The following CCDC80 variants were observed in gnomAD, a reference collection of about 807,000 sequenced individuals.
CCDC80 encodes the protein coiled-coil domain-containing protein 80.
Under a neutral mutation model 78.7 loss-of-function variants are expected in CCDC80, and 49 were observed. The ratio of observed to expected loss-of-function variants is 0.62; its 90% CI spans 0.50 to 0.79. CCDC80 has a LOEUF of 0.79. Among genes scored for constraint, CCDC80 ranks in the 30% least tolerant of loss-of-function variants. The pLI, the probability that CCDC80 is intolerant of heterozygous loss-of-function variation, is 0.00. For missense variants in CCDC80, 1,205 were observed against 1,198.6 expected (o/e 1.01, Z -0.08); for synonymous variants, 488 against 447.0 (o/e 1.09, Z -1.16).
At position 112,604,988 on chromosome 3, in the gene CCDC80, A is replaced by AGTTATTT. The variant is rs1253750473; in HGVS notation, c.*422_*428dup. ...AGTGTCAATTTAAGTAAGTATTATA[A>AGTTATTT]GTTATTTGTTCTTTGTTTTATCTTT... is the stretch of plus-strand genomic sequence containing the variant. On this transcript the variant is annotated 3_prime_UTR_variant, in exon 8 of 8. Coordinates refer to ENST00000206423, the MANE Select transcript of CCDC80 (RefSeq NM_199511.3). 6.5e-6 allele frequency: 1 copy of AGTTATTT among 153,292 alleles called. No homozygotes were observed. Among genetic ancestry groups the AGTTATTT allele is most frequent in the Non-Finnish European group, 1.5e-5 (1 of 68,806 alleles). 9.5% of individuals were successfully genotyped at this position (153,292 alleles called of 1,614,324 possible). A position where few individuals can be genotyped will look rare whatever the true frequency, so the allele number is the denominator to read the frequency against.
intron 3 of CCDC80, among the ~76,000 whole-genome samples, chr3:112,621,481 C>T (rs1276635664): frequency 6.6e-6 from 1 of 152,212 alleles, no homozygotes; most frequent in South Asian, 2.1e-4. Context: ...CCTAACCAAG[C>T]CCAGCCCAGA....
intron 3 of CCDC80, among the ~76,000 whole-genome samples, chr3:112,624,726 A>T (rs1464167874): frequency 6.6e-6 from 1 of 152,024 alleles, no homozygotes; most frequent in East Asian, 1.9e-4. Flanking sequence ...CTACAGATTG[A>T]CTCCATCAAA....
intron 6 of CCDC80, 62 bp from the exon 7 acceptor site, chr3:112,607,318 A>G: frequency 8.4e-7 from 1 of 1,189,582 alleles, no homozygotes; most frequent in Non-Finnish European, 1.2e-6. Flanking sequence ...TTTTACTTCA[A>G]AGCCCTGATA....
intron 7 of CCDC80, 90 bp downstream of exon 7, chr3:112,607,086 T>G: frequency 1.1e-6 from 1 of 941,832 alleles, no homozygotes; most frequent in Non-Finnish European, 1.6e-6. Flanking sequence ...TTGTTCACCT[T>G]AGAGATACAC....
At position 112,601,662 on chromosome 3, in the gene CCDC80, G is replaced by A. The variant is rs1360755679; in HGVS notation, c.*3755C>T. 7.3e-6 allele frequency: 1 copy of A among 137,146 alleles called. No individual in the cohort carries two copies. The highest frequency in any genetic ancestry group is 1.5e-5 in the Non-Finnish European group (1 of 67,332). 8.5% of individuals were successfully genotyped at this position (137,146 alleles called of 1,614,324 possible). ...CTACTGCACTGCAGCCTGGGTGACA[G>A]AGTGAGACCCTCTCCAAAAAAAGAA... On this transcript the variant is annotated 3_prime_UTR_variant, in exon 8 of 8. Transcript: ENST00000206423.
chr3:112,620,167 T>C (rs1317246224), intron 3 of CCDC80, among the ~76,000 whole-genome samples: 1 of 152,232 alleles, frequency 6.6e-6, no homozygotes, highest in East Asian at 1.9e-4. Flanking sequence ...CAGACATTAC[T>C]CTTCATTAAT....
chr3:112,612,202 AAC>A (rs1387097751), intron 5 of CCDC80, among the ~76,000 whole-genome samples: 2 of 152,102 alleles, frequency 1.3e-5, no homozygotes, highest in Non-Finnish European at 2.9e-5. Flanking sequence ...TCACAAACAC[AAC>A]AGTCTCAGGT....
chr3:112,607,116 T>G, intron 7 of CCDC80, 60 bp downstream of exon 7: 6 of 1,264,182 alleles, frequency 4.7e-6, no homozygotes, highest in Admixed American at 1.9e-5. Context: ...GCATATAACT[T>G]AATGTAATTT....
intron 3 of CCDC80, among the ~76,000 whole-genome samples, chr3:112,628,470 T>C (rs917879844): frequency 2.0e-5 from 3 of 152,318 alleles, no homozygotes; most frequent in East Asian, 1.9e-4. Context: ...CAAATGGTGA[T>C]GCAGAGGATG....
Position 112,639,018 on chromosome 3 carries a change from G to A in CCDC80, c.888C>T (p.Asp296=), listed in dbSNP as rs754534040. The part of the protein sequence containing the change: ...VEGQVVAEGN[D]GGGGAGRPSL... Reference sequence around the variant, plus strand: ...TTGGCCTTCCTGCTCCCCCTCCACCGTCATTCCCCTCCGCCACCACCTGGC... The same window carrying A: ...TTGGCCTTCCTGCTCCCCCTCCACCATCATTCCCCTCCGCCACCACCTGGC... Residue 296 remains aspartate, a synonymous_variant, in exon 2 of 8, where the codon GAC becomes GAT. Coordinates refer to ENST00000206423, the MANE Select transcript of CCDC80 (RefSeq NM_199511.3). 3.7e-5 allele frequency: 60 copies of A among 1,609,320 alleles called. No homozygotes were observed. Among genetic ancestry groups the A allele is most frequent in the Non-Finnish European group, 4.7e-5 (56 of 1,179,360 alleles).
At chr3:112,608,205 A>G (rs1290448330) in intron 6 of CCDC80, among the ~76,000 whole-genome samples, 1 of 152,262 alleles carries the variant, frequency 6.6e-6, no homozygotes, top group African/African-American at 2.4e-5. Context: ...ATAGTTTTAA[A>G]TAAAGTCCCA....
At chr3:112,606,792 TGAAAG>T (rs10539553) in intron 7 of CCDC80, among the ~76,000 whole-genome samples, 110,894 of 151,460 alleles carry the variant, frequency 0.73, 45,371 homozygotes, top group Non-Finnish European at 0.92. Context: ...CCTTATCTGT[TGAAAG>T]GGAATCAATG....
intron 2 of CCDC80, among the ~76,000 whole-genome samples, chr3:112,631,469 C>T (rs1936097843): frequency 6.6e-6 from 1 of 152,158 alleles, no homozygotes; most frequent in Non-Finnish European, 1.5e-5. Flanking sequence ...AGAAGCAAAC[C>T]TCTATAAATC....
rs1313444288 is a variant in CCDC80, at chr3:112,639,114, G to T, written c.792C>A (p.Gly264=). ...LEAMYEVIDQ[G]PIRRIEKIRQ... ...TGATCTTCTCGATCCTACGGATGGG[G>T]CCTTGGTCGATGACCTCGTACATGG... The change falls in exon 2 of 8, where the codon GGC becomes GGA. Residue 264 remains glycine, a synonymous_variant. Coordinates refer to ENST00000206423, the MANE Select transcript of CCDC80 (RefSeq NM_199511.3). 1.2e-6 allele frequency: 2 copies of T among 1,614,088 alleles called. No homozygotes were observed.
intron 4 of CCDC80, among the ~76,000 whole-genome samples, chr3:112,618,343 AC>A (rs1354536432): frequency 6.6e-6 from 1 of 152,006 alleles, no homozygotes; most frequent in African/African-American, 2.4e-5. Context: ...ACACAGTGAA[AC>A]CCCATCTCTA....
At position 112,639,359 on chromosome 3, in the gene CCDC80, G is replaced by A; in HGVS notation, c.547C>T (p.His183Tyr). 3.7e-6 allele frequency: 6 copies of A among 1,614,078 alleles called. No individual in the cohort carries two copies. Among genetic ancestry groups the A allele is most frequent in the Non-Finnish European group, 5.1e-6 (6 of 1,180,016 alleles). Reference sequence around the variant, plus strand: ...TGGAAGAGCACAATCTGTTGGATGTGCCTCTCCGCCAGCTCACAGTACACA... The same window carrying A: ...TGGAAGAGCACAATCTGTTGGATGTACCTCTCCGCCAGCTCACAGTACACA... Reference protein sequence around the residue: ...DDVYCELAERHIQQIVLFHQA... With the variant: ...DDVYCELAERYIQQIVLFHQA... The change falls in exon 2 of 8, where the codon CAC becomes TAC. Residue 183 changes from histidine (H) to tyrosine (Y), a missense_variant. His to Tyr is a moderately conservative substitution (Grantham distance 83). Coordinates refer to ENST00000206423, the MANE Select transcript of CCDC80 (RefSeq NM_199511.3).
Position 112,607,256 on chromosome 3 carries a change from C to A in CCDC80, c.2426G>T (p.Gly809Val). ...CTTCAGAATGGTTATGTGGCGCAGA[C>A]CTGAGAGAAAAAAGAAAACCATAGG... is the stretch of plus-strand genomic sequence containing the variant. ...SALSGQACNF[G>V]LRHITILKLL... is the part of the protein sequence containing the mutation. Residue 809 changes from glycine (G) to valine (V), a missense_variant and splice_region_variant, in exon 7 of 8, where the codon GGT (glycine) becomes GTT (valine). Physicochemically the swap from Gly to Val is moderately radical, Grantham distance 109. Coordinates refer to ENST00000206423, the MANE Select transcript of CCDC80 (RefSeq NM_199511.3). The A allele has an allele frequency of 6.2e-7, 1 of 1,610,904 alleles. No individual in the cohort carries two copies. Among genetic ancestry groups the A allele is most frequent in the Non-Finnish European group, 8.5e-7 (1 of 1,178,984 alleles).
intron 6 of CCDC80, among the ~76,000 whole-genome samples, chr3:112,609,421 A>T (rs1365954429): frequency 6.6e-6 from 1 of 152,186 alleles, no homozygotes; most frequent in Non-Finnish European, 1.5e-5. Context: ...TATTTAAGAG[A>T]TCTTGCTACT....
rs921634114 is a variant in CCDC80 at position 112,598,312 on chromosome 3, T to C, written c.*7105A>G. On this transcript the variant is annotated 3_prime_UTR_variant, in exon 8 of 8. Transcript: ENST00000206423. ...CCCAAGGTGTTCCCTACCTCTCTTT[T>C]TCTTGGATATCTTTTTGCATTATAG... 1.3e-5 allele frequency: 2 copies of C among 152,224 alleles called. No individual in the cohort carries two copies. The highest frequency in any genetic ancestry group is 2.9e-5 in the Non-Finnish European group (2 of 68,050). 9.4% of individuals were successfully genotyped at this position (152,224 alleles called of 1,614,324 possible). A position where few individuals can be genotyped will look rare whatever the true frequency, so the allele number is the denominator to read the frequency against.
Sources: gnomAD v4.1 joint callset for allele counts (sites outside exome capture counted in the v4.1 genomes callset) on GRCh38, gnomAD v4.1.1 for gene constraint, MANE v1.5 for transcripts, NCBI Gene and HGNC (gene_info 2026-07-23, HGNC 2026-07-21) for gene names.